KCNIP4: variants seen among roughly 807,000 people sequenced by gnomAD.
KCNIP4 encodes Kv channel-interacting protein 4.
In KCNIP4, 12 loss-of-function variants were observed where a neutral mutation model predicts 34.0. The ratio of observed to expected loss-of-function variants is 0.35; its 90% CI spans 0.23 to 0.57. The LOEUF is 0.57. Ranked by LOEUF, KCNIP4 falls within the 20% of genes least tolerant of loss-of-function variation. KCNIP4 has a pLI of 0.83. For synonymous variants in KCNIP4, 124 were observed against 102.2 expected (o/e 1.21, Z -1.29); for missense variants, 238 against 311.7 (o/e 0.76, Z 1.78).
At chr4:20,930,019 T>C (rs1052712319) in intron 1 of KCNIP4, among the ~76,000 whole-genome samples, 2 of 151,686 alleles carry the variant, frequency 1.3e-5, no homozygotes, top group East Asian at 3.9e-4. Context: ...AGAAAAAAAA[T>C]TCTTGAAATT....
chr4:21,056,142 A>G (rs565319947), intron 1 of KCNIP4, among the ~76,000 whole-genome samples: 2 of 152,284 alleles, frequency 1.3e-5, no homozygotes, highest in South Asian at 2.1e-4. Flanking sequence ...CAGAACAAAG[A>G]CAAAACGTAC....
intron 1 of KCNIP4, among the ~76,000 whole-genome samples, chr4:21,479,446 A>G (rs909921472): frequency 1.3e-5 from 2 of 152,158 alleles, no homozygotes; most frequent in African/African-American, 4.8e-5. Flanking sequence ...ATGCTAAAGG[A>G]GTGTACACGG....
intron 1 of KCNIP4, among the ~76,000 whole-genome samples, chr4:21,095,629 T>C (rs1026601984): frequency 1.3e-5 from 2 of 152,190 alleles, no homozygotes; most frequent in Non-Finnish European, 2.9e-5. Context: ...CTATGTTTCA[T>C]TAGTGTGTAA....
At chr4:21,589,170 A>ATG (rs1560540100) in intron 1 of KCNIP4, among the ~76,000 whole-genome samples, 8,169 of 49,116 alleles carry the variant, frequency 0.17, 666 homozygotes, top group African/African-American at 0.32. Flanking sequence ...ATATATATAT[A>ATG]TATATATATA....
At chr4:21,068,978 T>C (rs959438990) in intron 1 of KCNIP4, among the ~76,000 whole-genome samples, 3 of 152,220 alleles carry the variant, frequency 2.0e-5, no homozygotes, top group Admixed American at 6.5e-5. Flanking sequence ...ACATTTACTA[T>C]GGTGAGTCTA....
At chr4:21,837,522 A>G in intron 1 of KCNIP4, among the ~76,000 whole-genome samples, 1 of 133,818 alleles carries the variant, frequency 7.5e-6, no homozygotes. Flanking sequence ...CAACAAGAGC[A>G]AAACGCTGTC....
At chr4:21,243,074 A>G (rs1759973986) in intron 1 of KCNIP4, among the ~76,000 whole-genome samples, 5 of 152,214 alleles carry the variant, frequency 3.3e-5, no homozygotes, top group Admixed American at 3.3e-4. Context: ...TATTATCATT[A>G]TCAATATCAG....
At chr4:21,937,161 G>C (rs192007587) in intron 1 of KCNIP4, among the ~76,000 whole-genome samples, 30 of 152,084 alleles carry the variant, frequency 2.0e-4, no homozygotes, top group Non-Finnish European at 3.4e-4. Context: ...GATTAAATTT[G>C]GACTCTGCAT....
chr4:21,047,545 C>T (rs774613511), intron 1 of KCNIP4, among the ~76,000 whole-genome samples: 3 of 152,118 alleles, frequency 2.0e-5, no homozygotes, highest in Non-Finnish European at 4.4e-5. Flanking sequence ...GTCTCATTTA[C>T]ATAAATAGAA....
intron 1 of KCNIP4, among the ~76,000 whole-genome samples, chr4:21,698,419 C>A (rs1177798964): frequency 6.6e-6 from 1 of 152,160 alleles, no homozygotes; most frequent in Non-Finnish European, 1.5e-5. Flanking sequence ...AAAAGGCAAA[C>A]ACAACCATCT....
chr4:21,428,631 A>G (rs1441115962), intron 1 of KCNIP4, among the ~76,000 whole-genome samples: 1 of 152,144 alleles, frequency 6.6e-6, no homozygotes, highest in Admixed American at 6.6e-5. Context: ...GAAATTGGTA[A>G]CATCCAGATT....
intron 1 of KCNIP4, among the ~76,000 whole-genome samples, chr4:21,543,111 T>C (rs1737842566): frequency 6.6e-6 from 1 of 151,982 alleles, no homozygotes; most frequent in African/African-American, 2.4e-5. Context: ...AAATAATGAA[T>C]TATGAAGTAA....
rs538381119 is a variant in KCNIP4, at chr4:21,306,550, G to C, written c.62-423841C>G. Reference sequence around the variant, plus strand: ...GGCTACCGCAACTGGCTGACACACTGTTTTAGCCATTAACTCCGGTAACTT... The same window carrying C: ...GGCTACCGCAACTGGCTGACACACTCTTTTAGCCATTAACTCCGGTAACTT... On this transcript the variant is annotated intron_variant, in intron 1 of 8. Transcript: ENST00000382152. Among the ~76,000 whole-genome samples, 19 of 152,240 alleles carry C rather than the reference G, an allele frequency of 1.2e-4. No individual in the cohort carries two copies. The South Asian group carries it at 3.9e-3, about 32-fold the overall frequency.
intron 2 of KCNIP4, among the ~76,000 whole-genome samples, chr4:20,869,161 A>T (rs1263991546): frequency 2.0e-5 from 3 of 152,064 alleles, no homozygotes; most frequent in Non-Finnish European, 4.4e-5. Context: ...TTTTGCTGGT[A>T]TATTAGGGGG....
intron 1 of KCNIP4, among the ~76,000 whole-genome samples, chr4:20,930,338 G>C (rs1313734095): frequency 6.6e-6 from 1 of 151,898 alleles, no homozygotes; most frequent in South Asian, 2.1e-4. Context: ...CCCTAATCTT[G>C]CACCATATAC....
chr4:20,883,991 C>T (rs902352974), intron 1 of KCNIP4, among the ~76,000 whole-genome samples: 1 of 152,162 alleles, frequency 6.6e-6, no homozygotes, highest in African/African-American at 2.4e-5. Flanking sequence ...TCTGGGCCAT[C>T]CACTATTGGC....
chr4:21,938,038 C>T (rs112792177), intron 1 of KCNIP4, among the ~76,000 whole-genome samples: 27 of 152,244 alleles, frequency 1.8e-4, no homozygotes, highest in African/African-American at 4.8e-4. Flanking sequence ...CACATTCCCA[C>T]AAAACCATAC....
At chr4:21,768,644 A>G (rs1416691221) in intron 1 of KCNIP4, among the ~76,000 whole-genome samples, 2 of 152,046 alleles carry the variant, frequency 1.3e-5, no homozygotes, top group African/African-American at 4.8e-5. Context: ...TTGGTGTTAC[A>G]CTCTCAGATT....
intron 1 of KCNIP4, among the ~76,000 whole-genome samples, chr4:20,937,898 T>C (rs55637803): frequency 0.047 from 7,195 of 152,308 alleles, 198 homozygotes; most frequent in Middle Eastern, 0.1. Flanking sequence ...TTTCTTCAAT[T>C]CTCATGTTTA....
Sources: allele counts gnomAD v4.1 joint callset (sites outside exome capture counted in the v4.1 genomes callset), GRCh38; gene constraint gnomAD v4.1.1; transcripts MANE v1.5; gene names NCBI Gene and HGNC (gene_info 2026-07-23, HGNC 2026-07-21).